The following SLC2A5 variants were observed in gnomAD, a reference collection of about 807,000 sequenced individuals.
SLC2A5 encodes the protein solute carrier family 2, facilitated glucose transporter member 5.
SLC2A5 carries 56 observed loss-of-function variants against 50.3 expected under a neutral mutation model. The ratio of observed to expected loss-of-function variants is 1.11; its 90% confidence interval spans 0.90 to 1.39. The LOEUF (loss-of-function observed/expected upper bound fraction) is 1.39, where lower values mean the gene tolerates loss of function less well. SLC2A5 is among the 40% of genes most tolerant of loss of function. SLC2A5 has a pLI of 0.00. For synonymous variants in SLC2A5, 269 were observed against 281.9 expected, an observed-to-expected ratio of 0.95 and a Z score of 0.46; for missense variants, 566 against 650.1, an observed-to-expected ratio of 0.87 and a Z score of 1.41.
At chr1:9,086,148 T>C (rs1196584844) in intron 1 of SLC2A5, among the ~76,000 whole-genome samples, 4 of 152,216 alleles carry the variant, frequency 2.6e-5, no homozygotes, top group African/African-American at 9.7e-5. Context: ...CTAGCAGGGA[T>C]AATGACAGCT....
At chr1:9,052,682 C>T (rs1641608677) in intron 3 of SLC2A5, among the ~76,000 whole-genome samples, 1 of 152,108 alleles carries the variant, frequency 6.6e-6, no homozygotes, top group Admixed American at 6.6e-5. Context: ...TCTCTATAGC[C>T]TCTTCTCAAT....
At chr1:9,092,819 TC>T (rs1267724152), upstream of SLC2A5, among the ~76,000 whole-genome samples, 1 of 152,084 alleles carries the variant, frequency 6.6e-6, no homozygotes, top group Non-Finnish European at 1.5e-5. Flanking sequence ...AAGCTATGCA[TC>T]CCCTATCAAC....
At chr1:9,083,225 G>A (rs983812282) in intron 2 of SLC2A5, among the ~76,000 whole-genome samples, 5 of 152,228 alleles carry the variant, frequency 3.3e-5, no homozygotes, top group African/African-American at 9.6e-5. Context: ...GCAGGGCCCT[G>A]CTGATTCGGG....
At chr1:9,074,178 G>T (rs148010218), upstream of SLC2A5, among the ~76,000 whole-genome samples, 1 of 152,122 alleles carries the variant, frequency 6.6e-6, no homozygotes. Flanking sequence ...GTGGTGGAGC[G>T]GAGGGGGGCA....
intron 10 of SLC2A5, 130 bp downstream of exon 10, chr1:9,038,301 C>T (rs150772505): frequency 1.6e-5 from 12 of 744,958 alleles, no homozygotes; most frequent in African/African-American, 1.7e-5. Context: ...CACCCCCTTG[C>T]GGTGGACGGG....
In SLC2A5 at chr1:9,037,900, G is replaced by T; in HGVS notation, c.1299C>A (p.Ile433=). ...NFTVGLIFPF[I]QEGLGPYSFI... ...GTGGGCCCCGGGCCCCACTCACCTG[G>T]ATGAACGGGAAGATCAAGCCCACGG... The change falls in exon 11 of 12, where the codon ATC becomes ATA. Residue 433 remains isoleucine (I), a synonymous_variant. Transcript: ENST00000377424. 1 of 1,613,908 alleles carries T rather than the reference G, an allele frequency of 6.2e-7. No individual in the cohort carries two copies. Among genetic ancestry groups the T allele is most frequent in the Non-Finnish European group, 8.5e-7 (1 of 1,180,020 alleles).
intron 3 of SLC2A5, among the ~76,000 whole-genome samples, chr1:9,049,562 T>C (rs1345478931): frequency 1.3e-5 from 2 of 151,888 alleles, no homozygotes; most frequent in Non-Finnish European, 2.9e-5. Context: ...TCGTCGTCTC[T>C]ACTACAGCCA....
chr1:9,085,005 C>G (rs1642389021), intron 2 of SLC2A5: 1 of 152,516 alleles, frequency 6.6e-6, no homozygotes, highest in Non-Finnish European at 1.5e-5. Flanking sequence ...CCAACCAGGA[C>G]TGACTTACCC....
Position 9,037,687 on chromosome 1 carries a change from T to C in SLC2A5, c.1405A>G (p.Ile469Val), listed in dbSNP as rs1641167796. ...IVPETKAKTF[I>V]EINQIFTKMN... Reference sequence around the variant, plus strand: ...TTGGTGAAAATCTGGTTGATCTCTATGAACGTCTTGGCCTTGGTCTCCGGG... The same window carrying C: ...TTGGTGAAAATCTGGTTGATCTCTACGAACGTCTTGGCCTTGGTCTCCGGG... Residue 469 changes from isoleucine (I) to valine (V), a missense_variant, in exon 12 of 12, where the codon ATA becomes GTA. Ile to Val is a conservative substitution (Grantham distance 29). Transcript: ENST00000377424. 6.2e-7 allele frequency: 1 copy of C among 1,614,056 alleles called. No homozygotes were observed. The highest frequency in any genetic ancestry group is 1.7e-5 in the Admixed American group (1 of 60,012).
chr1:9,039,043 C>A, intron 8 of SLC2A5, 114 bp from the exon 9 acceptor site: 1 of 1,199,286 alleles, frequency 8.3e-7, no homozygotes, highest in Non-Finnish European at 1.2e-6. Context: ...CACCCATGTG[C>A]ACGCACACTC....
the SLC2A5 span, among the ~76,000 whole-genome samples, chr1:9,093,780 G>A: frequency 4.6e-5 from 7 of 152,112 alleles, no homozygotes; most frequent in South Asian, 1.5e-3. Flanking sequence ...TCGGAGACCT[G>A]GATGTGCTTA....
chr1:9,057,173 A>C (rs892323789), intron 3 of SLC2A5, among the ~76,000 whole-genome samples: 30 of 151,900 alleles, frequency 2.0e-4, no homozygotes, highest in African/African-American at 5.8e-4. Context: ...CTGTGATCCC[A>C]GGATCAGGAG....
intron 1 of SLC2A5, among the ~76,000 whole-genome samples, chr1:9,060,235 ACACCC>A (rs1641891913): frequency 8.5e-6 from 1 of 117,514 alleles, no homozygotes; most frequent in South Asian, 3.4e-4. Context: ...CAATACACAC[ACACCC>A]CCCATGTACA....
chr1:9,047,980 A>G (rs1641478807), intron 3 of SLC2A5, among the ~76,000 whole-genome samples: 2 of 152,188 alleles, frequency 1.3e-5, no homozygotes, highest in South Asian at 4.1e-4. Flanking sequence ...AAATGGAGAA[A>G]GGGCTCTGTA....
chr1:9,086,983 C>T (rs1642407409), intron 1 of SLC2A5, among the ~76,000 whole-genome samples: 2 of 152,164 alleles, frequency 1.3e-5, no homozygotes, highest in African/African-American at 4.8e-5. Context: ...AAGACAGCCT[C>T]CCCTGTGACC....
chr1:9,087,717 G>T (rs950350675), intron 1 of SLC2A5, among the ~76,000 whole-genome samples: 5 of 151,928 alleles, frequency 3.3e-5, no homozygotes, highest in African/African-American at 1.2e-4. Context: ...AATCTGAAGG[G>T]GACTGTGAGA....
intron 1 of SLC2A5, among the ~76,000 whole-genome samples, chr1:9,065,332 G>A (rs1371850745): frequency 6.6e-6 from 1 of 152,112 alleles, no homozygotes; most frequent in Non-Finnish European, 1.5e-5. Flanking sequence ...GACAGGGTAC[G>A]ATTCAAGGTC....
In SLC2A5 at chr1:9,039,788, C is replaced by T. The variant is rs751093090; in HGVS notation, c.885+12G>A. On this transcript the variant is annotated intron_variant, in intron 7 of 11. Transcript: ENST00000377424. Reference sequence around the variant, plus strand: ...GCCCTCCCCAGCTCCCGAGCCGCAGCCCGGCCCATACAGCGTTGACGCCCG... The same window carrying T: ...GCCCTCCCCAGCTCCCGAGCCGCAGTCCGGCCCATACAGCGTTGACGCCCG... The T allele has an allele frequency of 1.3e-6, 2 of 1,537,698 alleles. No individual in the cohort carries two copies. Among genetic ancestry groups the T allele is most frequent in the South Asian group, 1.2e-5 (1 of 83,274 alleles).
upstream of SLC2A5, among the ~76,000 whole-genome samples, chr1:9,093,133 A>T (rs912225885): frequency 1.1e-4 from 17 of 152,122 alleles, no homozygotes; most frequent in Admixed American, 1.0e-3. Context: ...GCCACAACCC[A>T]TCGCCAACTC....
Sources: allele counts gnomAD v4.1 joint callset (sites outside exome capture counted in the v4.1 genomes callset), GRCh38; gene constraint gnomAD v4.1.1; transcripts MANE v1.5; gene names NCBI Gene and HGNC (gene_info 2026-07-23, HGNC 2026-07-21).